The following EGFL6 variants were observed in gnomAD, a reference collection of about 807,000 sequenced individuals.
EGFL6 encodes the protein epidermal growth factor-like protein 6.
A neutral mutation model predicts 43.1 loss-of-function variants in EGFL6; 42 were observed. The observed-to-expected ratio is 0.98, with a 90% CI of 0.76 to 1.26. The LOEUF (loss-of-function observed/expected upper bound fraction) is 1.26. Among genes scored for constraint, EGFL6 ranks in the 50% most tolerant of loss-of-function variants. The pLI is 0.00. For missense variants in EGFL6, 429 were observed against 427.8 expected (o/e 1.00, Z -0.02); for synonymous variants, 164 against 163.2 (o/e 1.01, Z -0.04).
chrX:13,605,308 T>C (rs1025657039), intron 5 of EGFL6, among the ~76,000 whole-genome samples: 2 of 111,414 alleles, frequency 1.8e-5, no homozygotes, highest in African/African-American at 6.5e-5. Flanking sequence ...CATGGTGATG[T>C]GCACCTGTAG....
chrX:13,615,107 G>C (rs2045711580), intron 7 of EGFL6, among the ~76,000 whole-genome samples: 1 of 112,202 alleles, frequency 8.9e-6, no homozygotes, highest in African/African-American at 3.2e-5. Context: ...AAATCTTTAA[G>C]AGAAAACCGT....
At chrX:13,605,327 A>G (rs2045653913) in intron 5 of EGFL6, among the ~76,000 whole-genome samples, 1 of 111,369 alleles carries the variant, frequency 9.0e-6, no homozygotes, top group Non-Finnish European at 1.9e-5. Context: ...AGTCCCAGCT[A>G]TGCTAGAGGC....
chrX:13,586,112 C>T (rs571597147), intron 1 of EGFL6, among the ~76,000 whole-genome samples: 20 of 112,109 alleles, frequency 1.8e-4, no homozygotes, highest in African/African-American at 5.5e-4. Context: ...CCTGAATAGA[C>T]ATTTATCCAA....
At position 13,608,415 on chromosome X, in the gene EGFL6, G is replaced by C. The variant is rs1433943913; in HGVS notation, c.747G>C (p.Gln249His). 1.7e-6 allele frequency: 2 copies of C among 1,209,377 alleles called. No homozygotes were observed. The highest frequency in any genetic ancestry group is 2.2e-6 in the Non-Finnish European group (2 of 894,868). The change falls in exon 7 of 12, where the codon CAG becomes CAC. Residue 249 changes from glutamine to histidine, a missense_variant. Gln to His is a conservative substitution (Grantham distance 24). Transcript: ENST00000361306. ...GGTCCTTCAAGTGTAAATGCAAGCAGGGATATAAAGGCAATGGACTTCGGT... is the reference window on the plus strand; with the variant it reads ...GGTCCTTCAAGTGTAAATGCAAGCACGGATATAAAGGCAATGGACTTCGGT... ...TQGSFKCKCK[Q>H]GYKGNGLRCS...
intron 7 of EGFL6, among the ~76,000 whole-genome samples, chrX:13,612,254 C>G (rs936116594): frequency 1.8e-4 from 19 of 107,547 alleles, no homozygotes; most frequent in South Asian, 4.2e-4. Context: ...TGACTCTTAA[C>G]GAGCATGCTG....
At chrX:13,594,061 C>G (rs749914060) in intron 2 of EGFL6, among the ~76,000 whole-genome samples, 36 of 110,885 alleles carry the variant, frequency 3.2e-4, no homozygotes, top group Non-Finnish European at 2.1e-4. Context: ...TATATTATAT[C>G]CTCTCCCTTT....
Position 13,617,664 on chromosome X carries a change from T to C in EGFL6, c.779-66T>C, listed in dbSNP as rs1363626316. The C allele has an allele frequency of 3.1e-6, 3 of 977,329 alleles. No homozygotes were observed. The African/African-American group carries it at 5.8e-5, about 19-fold the overall frequency. 80.5% of individuals were successfully genotyped at this position (977,329 alleles called of 1,213,427 possible). On this transcript the variant is annotated intron_variant, in intron 7 of 11. Transcript: ENST00000361306. ...TTACTACACTTTAACACTTTTTAAA[T>C]GCTCCATTTTGTGAGTAATTTAATT...
intron 3 of EGFL6, among the ~76,000 whole-genome samples, chrX:13,595,641 A>G (rs955519363): frequency 8.9e-6 from 1 of 112,243 alleles, no homozygotes; most frequent in African/African-American, 3.2e-5. Context: ...GCTTTCTTGA[A>G]TGAATATTTT....
intron 1 of EGFL6, among the ~76,000 whole-genome samples, chrX:13,575,374 G>A (rs1363958842): frequency 8.9e-6 from 1 of 111,910 alleles, no homozygotes; most frequent in Admixed American, 9.5e-5. Flanking sequence ...AGGTTGTGGT[G>A]AGCTGAGATC....
At position 13,598,776 on chromosome X, in the gene EGFL6, C is replaced by T. The variant is rs771832792; in HGVS notation, c.281-1199C>T. Among the ~76,000 whole-genome samples, 222 of 104,142 alleles carry T rather than the reference C, an allele frequency of 2.1e-3. 2 individuals carry two copies. Among genetic ancestry groups the T allele is most frequent in the African/African-American group, 7.5e-3 (216 of 28,784 alleles). 90.4% of individuals were successfully genotyped at this position (104,142 alleles called of 115,157 possible). The stretch of plus-strand genomic sequence containing the variant: ...CTTTTATCACGTAACATCCTGTGAA[C>T]GTCATATGTATATATTTCATATATA... On this transcript the variant is annotated intron_variant, in intron 3 of 11. Transcript: ENST00000361306.
chrX:13,606,300 T>C (rs1173711249), intron 5 of EGFL6, 79 bp from the exon 6 acceptor site: 3 of 1,046,523 alleles, frequency 2.9e-6, no homozygotes, highest in African/African-American at 3.7e-5. Flanking sequence ...TAAAGAAAAG[T>C]AGCTGTGAGT....
chrX:13,618,091 T>C (rs1158811966), intron 8 of EGFL6, 38 bp downstream of exon 8: 2 of 1,125,149 alleles, frequency 1.8e-6, no homozygotes, highest in Non-Finnish European at 2.4e-6. Context: ...TTATGAAAAA[T>C]GAATTGCAAT....
In EGFL6 at chrX:13,581,558, A is replaced by G. The variant is rs778864780; in HGVS notation, c.75-7998A>G. Reference sequence around the variant, plus strand: ...TGGCAATATTTAAATGTATTTAAACATCGGCAAAAGAAGTTTAATTTCTCA... The same window carrying G: ...TGGCAATATTTAAATGTATTTAAACGTCGGCAAAAGAAGTTTAATTTCTCA... On this transcript the variant is annotated intron_variant, in intron 1 of 11. Transcript: ENST00000361306. 6.2e-5 allele frequency among the ~76,000 whole-genome samples: 7 copies of G among 112,684 alleles called. No homozygotes were observed. In the East Asian group the frequency reaches 1.9e-3, roughly 31 times the overall value.
intron 10 of EGFL6, among the ~76,000 whole-genome samples, 179 bp from the exon 11 acceptor site, chrX:13,626,832 T>C (rs1221756344): frequency 8.9e-6 from 1 of 112,777 alleles, no homozygotes; most frequent in East Asian, 2.8e-4. Context: ...AAGATTTCAA[T>C]TGTGTGATCC....
At chrX:13,587,881 G>A (rs2045542293) in intron 1 of EGFL6, among the ~76,000 whole-genome samples, 1 of 111,967 alleles carries the variant, frequency 8.9e-6, no homozygotes, top group Non-Finnish European at 1.9e-5. Flanking sequence ...TTGCTTTAAA[G>A]TACTACTACT....
intron 2 of EGFL6, among the ~76,000 whole-genome samples, chrX:13,592,244 A>C: frequency 9.2e-6 from 1 of 108,738 alleles, no homozygotes; most frequent in Non-Finnish European, 1.9e-5. Context: ...TTATTTTTCT[A>C]ACATCTGAAT....
intron 11 of EGFL6, among the ~76,000 whole-genome samples, chrX:13,629,715 C>T (rs2045800543): frequency 8.9e-6 from 1 of 112,147 alleles, no homozygotes; most frequent in Non-Finnish European, 1.9e-5. Context: ...ATTGCTTTCT[C>T]GAAATCAAAC....
intron 10 of EGFL6, 73 bp downstream of exon 10, chrX:13,623,998 G>A: frequency 1.2e-6 from 1 of 831,197 alleles, no homozygotes; most frequent in Non-Finnish European, 1.8e-6. Flanking sequence ...GTGATGGGTT[G>A]TTATTCCCAT....
intron 9 of EGFL6, among the ~76,000 whole-genome samples, chrX:13,621,089 C>A (rs756447902): frequency 5.3e-5 from 6 of 112,669 alleles, no homozygotes; most frequent in Non-Finnish European, 1.1e-4. Context: ...CAATATTCAT[C>A]TCTTAGGTGC....
Sources: allele counts gnomAD v4.1 joint callset (sites outside exome capture counted in the v4.1 genomes callset), GRCh38; gene constraint gnomAD v4.1.1; transcripts MANE v1.5; gene names NCBI Gene and HGNC (gene_info 2026-07-23, HGNC 2026-07-21).